The following HRH1 variants were observed in gnomAD, a reference collection of about 807,000 sequenced individuals.
HRH1 encodes histamine receptor H1, also known as histamine H1 receptor.
HRH1 carries 6 observed loss-of-function variants against 10.3 expected under a neutral mutation model. That is an observed-to-expected ratio of 0.58 (90% CI 0.32 to 1.15). HRH1 has a LOEUF of 1.15. Ranked by LOEUF, HRH1 falls within the 50% of genes most tolerant of loss-of-function variation. The probability of loss-of-function intolerance (pLI) is 0.05; values close to 1 mark genes in which losing one functional copy is unlikely to be tolerated. For synonymous variants in HRH1, 242 were observed against 236.7 expected (o/e 1.02, Z -0.21); for missense variants, 514 against 615.3 (o/e 0.84, Z 1.74).
intron 1 of HRH1, among the ~76,000 whole-genome samples, chr3:11,218,379 C>T (rs907831519): frequency 3.4e-5 from 5 of 146,384 alleles, no homozygotes; most frequent in East Asian, 4.3e-4. Context: ...ACCCGGGAGG[C>T]GGAGCTTGCA....
intron 1 of HRH1, among the ~76,000 whole-genome samples, chr3:11,193,272 T>C (rs1316496732): frequency 1.3e-5 from 2 of 152,212 alleles, no homozygotes; most frequent in Non-Finnish European, 2.9e-5. Flanking sequence ...AACAGAACTT[T>C]TAAAAAATAT....
Position 11,260,373 on chromosome 3 carries a change from A to G in HRH1, c.1336A>G (p.Asn446Asp), listed in dbSNP as rs745822737. Residue 446 changes from asparagine to aspartate, a missense_variant, in exon 2 of 2, where the codon AAT becomes GAT. Transcript: ENST00000431010. Reference protein sequence around the residue: ...MVIAFCKNCCNEHLHMFTIWL... With the variant: ...MVIAFCKNCCDEHLHMFTIWL... Reference sequence around the variant, plus strand: ...CATTGCCTTCTGCAAGAACTGTTGCAATGAACATTTGCACATGTTCACCAT... The same window carrying G: ...CATTGCCTTCTGCAAGAACTGTTGCGATGAACATTTGCACATGTTCACCAT... 2.5e-6 allele frequency: 4 copies of G among 1,614,192 alleles called. No homozygotes were observed. The highest frequency in any genetic ancestry group is 2.2e-5 in the East Asian group (1 of 44,882).
Position 11,169,082 on chromosome 3 carries a change from G to A in HRH1, c.-36+14528G>A, listed in dbSNP as rs542899542. ...AGGGTGGTATAGTGATTAAAGGCCT[G>A]GGCTTGAGGTCTGCAGGAATCTGAG... is the stretch of plus-strand genomic sequence containing the variant. On this transcript the variant is annotated intron_variant, in intron 1 of 1. Coordinates refer to ENST00000431010, the MANE Select transcript of HRH1 (RefSeq NM_001098212.2). 3.3e-5 allele frequency among the ~76,000 whole-genome samples: 5 copies of A among 152,302 alleles called. No individual in the cohort carries two copies. In the South Asian group the frequency reaches 6.2e-4, roughly 19 times the overall value.
intron 1 of HRH1, among the ~76,000 whole-genome samples, chr3:11,228,384 C>CA (rs200026531): frequency 1.3e-5 from 2 of 152,182 alleles, no homozygotes; most frequent in African/African-American, 2.4e-5. Flanking sequence ...CTGTCTCTAA[C>CA]AAAATTTTTT....
At position 11,188,250 on chromosome 3, in the gene HRH1, G is replaced by T. The variant is rs948128448; in HGVS notation, c.-36+33696G>T. Among the ~76,000 whole-genome samples the T allele has an allele frequency of 5.4e-4, 82 of 152,200 alleles. 5 individuals carry two copies. ...TTTAAGGAGAGCAGATTGATTATATGTAAAGACCTTTAAGAATATCCATGC... is the reference window on the plus strand; with the variant it reads ...TTTAAGGAGAGCAGATTGATTATATTTAAAGACCTTTAAGAATATCCATGC... On this transcript the variant is annotated intron_variant, in intron 1 of 1. Transcript: ENST00000431010.
chr3:11,199,760 C>T (rs540200964), intron 1 of HRH1, among the ~76,000 whole-genome samples: 6 of 152,324 alleles, frequency 3.9e-5, no homozygotes, highest in African/African-American at 1.4e-4. Flanking sequence ...AAGAGATGTA[C>T]AGTTGACCAC....
chr3:11,233,904 T>A (rs1274887634), intron 1 of HRH1, among the ~76,000 whole-genome samples: 1 of 152,228 alleles, frequency 6.6e-6, no homozygotes, highest in Non-Finnish European at 1.5e-5. Context: ...AGGAATATAA[T>A]GAATCAGAAT....
rs76882014 is a variant in HRH1 at position 11,253,445 on chromosome 3, G to T, written c.-35-5558G>T. On this transcript the variant is annotated intron_variant, in intron 1 of 1. Coordinates refer to ENST00000431010, the MANE Select transcript of HRH1 (RefSeq NM_001098212.2). ...TCTTAGTAATATCTCGCCAGCTATT[G>T]GTGACAAAGTGGAGCTTTAACATTC... is the stretch of plus-strand genomic sequence containing the variant. Among the ~76,000 whole-genome samples, 551 of 152,242 alleles carry T rather than the reference G, an allele frequency of 3.6e-3. 1 individual carries two copies. Among genetic ancestry groups the T allele is most frequent in the African/African-American group, 0.013 (533 of 41,522 alleles).
chr3:11,160,159 A>G (rs1936896354), intron 1 of HRH1, among the ~76,000 whole-genome samples: 1 of 152,218 alleles, frequency 6.6e-6, no homozygotes, highest in Non-Finnish European at 1.5e-5. Context: ...TTCCTGTGCC[A>G]GTTTTTAGGC....
In HRH1 at chr3:11,238,696, C is replaced by G. The variant is rs147081087; in HGVS notation, c.-35-20307C>G. On this transcript the variant is annotated intron_variant, in intron 1 of 1. Coordinates refer to ENST00000431010, the MANE Select transcript of HRH1 (RefSeq NM_001098212.2). ...TTCCAAAAGATCCCTTCCTGTCCCC[C>G]CCTCCACTACCAGGCAACCACTAAT... Among the ~76,000 whole-genome samples the G allele has an allele frequency of 3.2e-4, 49 of 152,290 alleles. 1 individual carries two copies. In the East Asian group the frequency reaches 7.5e-3, roughly 23 times the overall value.
intron 1 of HRH1, among the ~76,000 whole-genome samples, chr3:11,159,914 CAG>C (rs1231422396): frequency 6.6e-6 from 1 of 152,330 alleles, no homozygotes; most frequent in South Asian, 2.1e-4. Flanking sequence ...TGGAAGTAAA[CAG>C]AGACTGCGAA....
intron 1 of HRH1, among the ~76,000 whole-genome samples, chr3:11,140,783 G>A (rs1007105598): frequency 1.3e-5 from 2 of 152,120 alleles, no homozygotes; most frequent in African/African-American, 2.4e-5. Context: ...AGTGTACAGG[G>A]CCACGCTTAC....
intron 1 of HRH1, chr3:11,226,510 T>C (rs941400056): frequency 2.0e-5 from 3 of 152,228 alleles, no homozygotes; most frequent in Non-Finnish European, 2.9e-5. Flanking sequence ...TGGTTTTGCC[T>C]CTTTGAGAGT....
At chr3:11,254,212 T>C (rs1168095595) in intron 1 of HRH1, among the ~76,000 whole-genome samples, 1 of 152,204 alleles carries the variant, frequency 6.6e-6, no homozygotes, top group Non-Finnish European at 1.5e-5. Flanking sequence ...TCTTGCACCC[T>C]AGTGAGTCTG....
chr3:11,161,119 G>C (rs1024278783), intron 1 of HRH1, among the ~76,000 whole-genome samples: 9 of 152,184 alleles, frequency 5.9e-5, no homozygotes, highest in African/African-American at 2.2e-4. Flanking sequence ...TGCCCTGCCT[G>C]TGGCCAAACC....
intron 1 of HRH1, among the ~76,000 whole-genome samples, chr3:11,217,712 G>C (rs1452782136): frequency 6.6e-6 from 1 of 152,158 alleles, no homozygotes; most frequent in Non-Finnish European, 1.5e-5. Context: ...GGTTAAAATG[G>C]TAAATTCTGT....
intron 1 of HRH1, among the ~76,000 whole-genome samples, chr3:11,207,139 G>T (rs748138415): frequency 9.9e-5 from 15 of 152,054 alleles, no homozygotes; most frequent in Non-Finnish European, 2.9e-5. Context: ...GGGGTCTGAG[G>T]GTTGATGGTG....
intron 1 of HRH1, among the ~76,000 whole-genome samples, chr3:11,207,864 G>A (rs115690406): frequency 0.012 from 1,799 of 152,280 alleles, 36 homozygotes; most frequent in African/African-American, 0.037. Context: ...TGTACCCAGC[G>A]GGCCTGTCTG....
At chr3:11,234,818 A>G (rs1167671703) in intron 1 of HRH1, among the ~76,000 whole-genome samples, 2 of 151,846 alleles carry the variant, frequency 1.3e-5, no homozygotes, top group East Asian at 3.9e-4. Context: ...CTAAATTTCC[A>G]TTGCTGCTTC....
Sources: allele counts gnomAD v4.1 joint callset (sites outside exome capture counted in the v4.1 genomes callset), GRCh38; gene constraint gnomAD v4.1.1; transcripts MANE v1.5; gene names NCBI Gene and HGNC (gene_info 2026-07-23, HGNC 2026-07-21).